The following PDZD2 variants were observed in gnomAD, a reference collection of about 807,000 sequenced individuals.
PDZD2 encodes PDZ domain-containing protein 2.
Under a neutral mutation model 220.7 loss-of-function variants are expected in PDZD2, and 90 were observed. The observed-to-expected ratio is 0.41, with a 90% confidence interval of 0.34 to 0.49. PDZD2 has a LOEUF of 0.49. Among genes scored for constraint, PDZD2 ranks in the 20% least tolerant of loss-of-function variants. PDZD2 has a pLI of 0.28. For missense variants in PDZD2, 3,174 were observed against 3,608.5 expected (o/e 0.88, Z 3.08); for synonymous variants, 1,375 against 1,450.5 (o/e 0.95, Z 1.18).
At chr5:32,038,964 A>G (rs946820134) in intron 7 of PDZD2, among the ~76,000 whole-genome samples, 1 of 152,252 alleles carries the variant, frequency 6.6e-6, no homozygotes, top group Non-Finnish European at 1.5e-5. Context: ...TTAACGTTCA[A>G]AAAACATTCA....
chr5:31,803,113 T>G (rs201023504), intron 2 of PDZD2, among the ~76,000 whole-genome samples: 4 of 146,424 alleles, frequency 2.7e-5, no homozygotes, highest in African/African-American at 7.8e-5. Flanking sequence ...TTTTTTTTTT[T>G]GCAGACAGCG....
chr5:31,984,005 G>A (rs576043154), intron 3 of PDZD2, among the ~76,000 whole-genome samples: 5 of 152,306 alleles, frequency 3.3e-5, no homozygotes, highest in East Asian at 1.9e-4. Flanking sequence ...TCACTGCATC[G>A]TTATTTATCG....
chr5:31,664,512 A>G (rs762474635), intron 1 of PDZD2, among the ~76,000 whole-genome samples: 17 of 151,926 alleles, frequency 1.1e-4, no homozygotes, highest in Non-Finnish European at 2.4e-4. Flanking sequence ...ATACACACAC[A>G]CAGAAATACA....
chr5:32,046,577 AC>A (rs1737995144), intron 7 of PDZD2, among the ~76,000 whole-genome samples: 1 of 152,198 alleles, frequency 6.6e-6, no homozygotes, highest in African/African-American at 2.4e-5. Context: ...TTAAAAGAAC[AC>A]AAAATTTTAA....
At chr5:32,052,453 T>C (rs1738655275) in intron 8 of PDZD2, 158 bp from the exon 9 acceptor site, 2 of 667,744 alleles carry the variant, frequency 3.0e-6, no homozygotes, top group Non-Finnish European at 2.6e-6. Flanking sequence ...GCACCTGCGA[T>C]AGTATTTATA....
At chr5:31,675,743 CTGGAGTGCAA>C (rs1746384019) in intron 1 of PDZD2, among the ~76,000 whole-genome samples, 1 of 152,138 alleles carries the variant, frequency 6.6e-6, no homozygotes, top group South Asian at 2.1e-4. Context: ...GTCACCCAGA[CTGGAGTGCAA>C]TGGAGTGATC....
Position 31,849,935 on chromosome 5 carries a change from CATATAT to C in PDZD2, c.476+50219_476+50224del, listed in dbSNP as rs1244381437. Among the ~76,000 whole-genome samples, 54 of 19,152 alleles carry C rather than the reference CATATAT, an allele frequency of 2.8e-3. 1 individual carries two copies. The highest frequency in any genetic ancestry group is 0.01 in the East Asian group (6 of 582). The allele number at this position is 19,152 out of a possible 152,430, so 12.6% of individuals were successfully genotyped here. On this transcript the variant is annotated intron_variant, in intron 2 of 24. Coordinates refer to ENST00000438447, the MANE Select transcript of PDZD2 (RefSeq NM_178140.4). The stretch of plus-strand genomic sequence containing the variant: ...ATATATATACATATATATATATACA[CATATAT>C]ATATATACATATATATATATACACA...
At chr5:32,020,426 G>A (rs968535525) in intron 6 of PDZD2, among the ~76,000 whole-genome samples, 2 of 152,178 alleles carry the variant, frequency 1.3e-5, no homozygotes, top group South Asian at 2.1e-4. Context: ...ACAGGGTAAC[G>A]TGGCTCATTT....
intron 1 of PDZD2, among the ~76,000 whole-genome samples, chr5:31,784,265 T>C (rs1207167858): frequency 6.6e-6 from 1 of 152,186 alleles, no homozygotes; most frequent in African/African-American, 2.4e-5. Context: ...TCCAGAGGTG[T>C]CCTCGGGACC....
At chr5:31,878,555 C>CTTTTTTTTTTTTGTTTTTTTTTTTT (rs1554087827) in intron 2 of PDZD2, among the ~76,000 whole-genome samples, 1 of 48,198 alleles carries the variant, frequency 2.1e-5, no homozygotes, top group Non-Finnish European at 3.7e-5. Context: ...ATGACCTCGG[C>CTTTTTTTTTTTTGTTTTTTTTTTTT]TTTTTTTTTT....
chr5:31,665,565 G>GT (rs1175176953), intron 1 of PDZD2, among the ~76,000 whole-genome samples: 1 of 151,924 alleles, frequency 6.6e-6, no homozygotes, highest in Admixed American at 6.6e-5. Context: ...CATGGGGGCG[G>GT]TTTCCCCCAT....
Position 31,682,183 on chromosome 5 carries a change from G to A in PDZD2, c.-361+42746G>A, listed in dbSNP as rs562902087. On this transcript the variant is annotated intron_variant, in intron 1 of 24. Coordinates refer to ENST00000438447, the MANE Select transcript of PDZD2 (RefSeq NM_178140.4). ...AAGCAGCTGCTGTGTGTTTCCTGGA[G>A]GACCCACGGGGAGGGGGAGAGCTAC... Among the ~76,000 whole-genome samples, 96 of 152,310 alleles carry A rather than the reference G, an allele frequency of 6.3e-4. No homozygotes were observed. In the South Asian group the frequency reaches 0.011, roughly 18 times the overall value.
rs916471198 is a variant in PDZD2, at chr5:32,077,502, C to G, written c.3578C>G (p.Ser1193Cys). The change falls in exon 19 of 25, where the codon TCT (serine) becomes TGT (cysteine). Residue 1193 changes from serine to cysteine, a missense_variant. Physicochemically the swap from Ser to Cys is moderately radical, Grantham distance 112. Around this residue, in one of 4 missense-constraint regions of PDZD2, gnomAD observed 1,861 missense variants for 2,001.0 expected, o/e 0.93. Coordinates refer to ENST00000438447, the MANE Select transcript of PDZD2 (RefSeq NM_178140.4). ...GKLTTGDACV[S>C]TSCELASALS... ...CTGACCACTGGAGATGCTTGTGTCT[C>G]TACCAGCTGTGAACTAGCCAGTGCT... 4 of 1,613,884 alleles carry G rather than the reference C, an allele frequency of 2.5e-6. No homozygotes were observed.
intron 2 of PDZD2, among the ~76,000 whole-genome samples, chr5:31,928,478 A>AG (rs1485594347): frequency 6.7e-6 from 1 of 149,200 alleles, no homozygotes; most frequent in Non-Finnish European, 1.5e-5. Flanking sequence ...AAAATTACAA[A>AG]GAATTTTTTT....
chr5:32,105,442 A>C (rs1429840534), intron 24 of PDZD2, among the ~76,000 whole-genome samples: 1 of 152,244 alleles, frequency 6.6e-6, no homozygotes, highest in African/African-American at 2.4e-5. Flanking sequence ...GCAAGTATCT[A>C]CTGGTTAATC....
chr5:31,855,697 T>A (rs1349077668), intron 2 of PDZD2, among the ~76,000 whole-genome samples: 2 of 152,224 alleles, frequency 1.3e-5, no homozygotes, highest in African/African-American at 4.8e-5. Context: ...CGTGATGGCA[T>A]TTGGAGACAG....
rs1247847915 is a variant in PDZD2 at position 31,883,208 on chromosome 5, C to T, written c.476+83484C>T. Reference sequence around the variant, plus strand: ...TTGAGTGAAATTATGAGTTTATTAGCATGCTACCTTTTTTTTTTTTTTTTT... The same window carrying T: ...TTGAGTGAAATTATGAGTTTATTAGTATGCTACCTTTTTTTTTTTTTTTTT... On this transcript the variant is annotated intron_variant, in intron 2 of 24. Coordinates refer to ENST00000438447, the MANE Select transcript of PDZD2 (RefSeq NM_178140.4). Among the ~76,000 whole-genome samples, 7 of 143,398 alleles carry T rather than the reference C, an allele frequency of 4.9e-5. No homozygotes were observed. The Admixed American group carries it at 5.1e-4, about 10-fold the overall frequency. The allele number at this position is 143,398 out of a possible 152,430, so 94.1% of individuals were successfully genotyped here.
rs368700823 is a variant in PDZD2, at chr5:31,822,098, T to C, written c.476+22374T>C. 1.1e-4 allele frequency among the ~76,000 whole-genome samples: 17 copies of C among 152,234 alleles called. 1 individual carries two copies. The South Asian group carries it at 3.5e-3, about 32-fold the overall frequency. On this transcript the variant is annotated intron_variant, in intron 2 of 24. Coordinates refer to ENST00000438447, the MANE Select transcript of PDZD2 (RefSeq NM_178140.4). ...TTTTCTTTATCCAGTCTATCATTGA[T>C]GGGCATTTGGGCTGGTTCCAAGTCT...
intron 19 of PDZD2, among the ~76,000 whole-genome samples, chr5:32,078,560 A>T (rs887749774): frequency 5.1e-5 from 7 of 137,110 alleles, no homozygotes; most frequent in African/African-American, 1.6e-4. Flanking sequence ...TGAACCCGGG[A>T]GGTGGAGGTT....
Sources: allele counts gnomAD v4.1 joint callset (sites outside exome capture counted in the v4.1 genomes callset), GRCh38; gene constraint gnomAD v4.1.1; regional missense constraint gnomAD v4.1.1; transcripts MANE v1.5; gene names NCBI Gene and HGNC (gene_info 2026-07-23, HGNC 2026-07-21).